The following TEAD3 variants were observed in gnomAD, a reference collection of about 807,000 sequenced individuals.
TEAD3 encodes transcriptional enhancer factor TEF-5.
A neutral mutation model predicts 55.6 loss-of-function variants in TEAD3; 15 were observed. That is an observed-to-expected ratio of 0.27 (90% CI 0.18 to 0.42). TEAD3 has a LOEUF of 0.42. TEAD3 is among the 10% of genes least tolerant of loss of function. The pLI, the probability that TEAD3 is intolerant of heterozygous loss-of-function variation, is 1.00. For missense variants in TEAD3, 407 were observed against 576.8 expected, an observed-to-expected ratio of 0.71 and a Z score of 3.01; for synonymous variants, 210 against 232.2, an observed-to-expected ratio of 0.90 and a Z score of 0.87.
chr6:35,479,216 G>T, intron 5 of TEAD3, 89 bp downstream of exon 5: 1 of 1,541,158 alleles, frequency 6.5e-7, no homozygotes, highest in South Asian at 1.1e-5. Flanking sequence ...CACCTATTAA[G>T]TTGGTTTCAT....
chr6:35,486,360 G>GGCCAGC lies in TEAD3; in HGVS notation c.202+95_202+100dup. ...CAGGCTTGCGCGCCCAGACTCGCCC[G>GGCCAGC]GCCAGCGGCTGGCGGCCTCCGACGT... On this transcript the variant is annotated intron_variant, in intron 2 of 12. Transcript: ENST00000639578. The surrounding 1 kb of genome is among the most constrained non-coding windows in gnomAD (Gnocchi z 7.3). 1 of 1,388,604 alleles carries GGCCAGC rather than the reference G, an allele frequency of 7.2e-7. No individual in the cohort carries two copies. Among genetic ancestry groups the GGCCAGC allele is most frequent in the Non-Finnish European group, 9.7e-7 (1 of 1,029,054 alleles). 86.0% of individuals were successfully genotyped at this position (1,388,604 alleles called of 1,614,324 possible).
exon 6 of TEAD3, chr6:35,478,488 G>T: frequency 2.5e-6 from 4 of 1,612,580 alleles, no homozygotes; most frequent in Non-Finnish European, 3.4e-6. Context: ...GGCTGAACTT[G>T]TTCTGCAGGA....
At chr6:35,477,499 T>G (rs1768175761) in intron 7 of TEAD3, 127 bp from the exon 8 acceptor site, 4 of 794,666 alleles carry the variant, frequency 5.0e-6, no homozygotes, top group Non-Finnish European at 7.9e-6. Flanking sequence ...AAACGCATGC[T>G]GAAAAGCTAA....
intron 1 of TEAD3, among the ~76,000 whole-genome samples, chr6:35,493,432 G>A (rs1362918588): frequency 6.6e-6 from 1 of 152,012 alleles, no homozygotes; most frequent in East Asian, 1.9e-4. Flanking sequence ...TCCCAAACAC[G>A]CTCAGATAGT....
chr6:35,479,816 G>C (rs917468066), intron 4 of TEAD3, among the ~76,000 whole-genome samples: 19 of 152,278 alleles, frequency 1.2e-4, no homozygotes, highest in African/African-American at 4.3e-4. Flanking sequence ...GTAAGCAGCA[G>C]TCAGGAAGAA....
rs1476787792 is a variant in TEAD3 at position 35,496,585 on chromosome 6, C to T, written c.-50+313G>A. Among the ~76,000 whole-genome samples the T allele has an allele frequency of 2.0e-5, 3 of 152,204 alleles. No homozygotes were observed. Among genetic ancestry groups the T allele is most frequent in the African/African-American group, 7.2e-5 (3 of 41,540 alleles). On this transcript the variant is annotated intron_variant, in intron 1 of 12. Transcript: ENST00000639578. The surrounding 1 kb of genome is among the most constrained non-coding windows in gnomAD (Gnocchi z 4.8). ...CCACACTGTGCGGCCCCCGGATCCC[C>T]GCCCCGACCCCCCAAGCACGGACGG... is the stretch of plus-strand genomic sequence containing the variant.
chr6:35,487,315 AG>A (rs1371394986), intron 1 of TEAD3, among the ~76,000 whole-genome samples: 3 of 152,138 alleles, frequency 2.0e-5, no homozygotes, highest in Admixed American at 6.5e-5. Flanking sequence ...TCACTTTGGG[AG>A]GCCGAGGTGG....
Position 35,491,227 on chromosome 6 carries a change from G to T in TEAD3, c.-49-4516C>A, listed in dbSNP as rs1274289900. On this transcript the variant is annotated intron_variant, in intron 1 of 12. Coordinates refer to ENST00000639578, the Ensembl canonical transcript of TEAD3. The surrounding 1 kb of genome is among the most constrained non-coding windows in gnomAD (Gnocchi z 4.4). ...GTGGAGGCAGGGCGGGGGAGTGCTG[G>T]ACCCTCAGACCCACAGACTGACAGA... is the stretch of plus-strand genomic sequence containing the variant. Among the ~76,000 whole-genome samples the T allele has an allele frequency of 1.3e-5, 2 of 150,468 alleles. No homozygotes were observed. The highest frequency in any genetic ancestry group is 3.0e-5 in the Non-Finnish European group (2 of 67,686).
chr6:35,493,890 G>T (rs1263071912), intron 1 of TEAD3, among the ~76,000 whole-genome samples: 2 of 152,232 alleles, frequency 1.3e-5, no homozygotes, highest in Non-Finnish European at 2.9e-5. Flanking sequence ...TGGCTAGGCA[G>T]CCAGCTTCCT....
In TEAD3 at chr6:35,486,904, C is replaced by G. The variant is rs999010576; in HGVS notation, c.-49-193G>C. Among the ~76,000 whole-genome samples, 3 of 152,172 alleles carry G rather than the reference C, an allele frequency of 2.0e-5. No individual in the cohort carries two copies. The highest frequency in any genetic ancestry group is 4.8e-5 in the African/African-American group (2 of 41,432). On this transcript the variant is annotated intron_variant, in intron 1 of 12. Transcript: ENST00000639578. The surrounding 1 kb of genome is among the most constrained non-coding windows in gnomAD (Gnocchi z 7.3). ...AGAGCTGTGTGACCTGGGATGCACGCGCTACTTCACCTCTCTAGGCCTCAG... is the reference window on the plus strand; with the variant it reads ...AGAGCTGTGTGACCTGGGATGCACGGGCTACTTCACCTCTCTAGGCCTCAG...
At chr6:35,474,072 G>A (rs540153002), downstream of TEAD3, 1 of 152,296 alleles carries the variant, frequency 6.6e-6, no homozygotes, top group African/African-American at 2.4e-5. Flanking sequence ...TCAGATTCAA[G>A]CCTCAGGCAA....
intron 1 of TEAD3, among the ~76,000 whole-genome samples, chr6:35,490,386 T>A (rs960750115): frequency 6.6e-6 from 1 of 151,740 alleles, no homozygotes; most frequent in Non-Finnish European, 1.5e-5. Context: ...AAGGAGAGAA[T>A]AGGACCACCG....
rs1166090332 is a variant in TEAD3 at position 35,475,663 on chromosome 6, T to C, written c.944A>G (p.Tyr315Cys). 3 of 1,612,858 alleles carry C rather than the reference T, an allele frequency of 1.9e-6. No individual in the cohort carries two copies. Among genetic ancestry groups the C allele is most frequent in the Non-Finnish European group, 1.7e-6 (2 of 1,179,150 alleles). ...AGAGCTGTACTGAGAGCTGACCCCA[T>C]AGAAGGCTCCCGGGCCCTCCTGGAT... Residue 315 changes from tyrosine (Y) to cysteine (C), a missense_variant, in exon 11 of 13, where the codon TAT becomes TGT. Coordinates refer to ENST00000639578, the Ensembl canonical transcript of TEAD3. This position sits in a 1 kb window ranked among gnomAD's most constrained non-coding sequence, Gnocchi z 5.4.
intron 5 of TEAD3, among the ~76,000 whole-genome samples, chr6:35,478,910 C>T (rs943487531): frequency 1.4e-5 from 2 of 138,808 alleles, no homozygotes; most frequent in Non-Finnish European, 3.0e-5. Context: ...GACGGAGTCT[C>T]GCTCTGTCAC....
downstream of TEAD3, chr6:35,474,697 C>T (rs1298034477): frequency 2.0e-5 from 5 of 253,222 alleles, no homozygotes; most frequent in Admixed American, 2.0e-4. Flanking sequence ...CATGCTCCCC[C>T]AAGGGTGGGT....
rs372713178 is a variant in TEAD3, at chr6:35,484,503, C to T, written c.267+57G>A. On this transcript the variant is annotated intron_variant, in intron 3 of 12. Coordinates refer to ENST00000639578, the Ensembl canonical transcript of TEAD3. The surrounding 1 kb of genome is among the most constrained non-coding windows in gnomAD (Gnocchi z 5.8). ...GGCAGGGTAGGGGCAAGGGGTTGAC[C>T]GGGGCAGCTGAGACAGAGTGTGTGG... 4.4e-4 allele frequency: 675 copies of T among 1,535,408 alleles called. 6 individuals are homozygous for T. Among genetic ancestry groups the T allele is most frequent in the Middle Eastern group, 3.4e-4 (2 of 5,896 alleles).
chr6:35,492,380 G>A (rs1014403179), intron 1 of TEAD3, among the ~76,000 whole-genome samples: 3 of 152,014 alleles, frequency 2.0e-5, no homozygotes, highest in Non-Finnish European at 4.4e-5. Context: ...GCTGCCAGAA[G>A]CTCCCACCCT....
chr6:35,487,928 C>T (rs1768421509), intron 1 of TEAD3, among the ~76,000 whole-genome samples: 1 of 152,192 alleles, frequency 6.6e-6, no homozygotes, highest in Admixed American at 6.5e-5. Context: ...CTGTCAGCTC[C>T]TCCTCCCCAG....
At position 35,488,862 on chromosome 6, in the gene TEAD3, C is replaced by G. The variant is rs114499938; in HGVS notation, c.-49-2151G>C. Among the ~76,000 whole-genome samples the G allele has an allele frequency of 0.029, 4,382 of 152,188 alleles. 96 individuals carry two copies. The highest frequency in any genetic ancestry group is 0.11 in the East Asian group (546 of 5,166). ...CCTCAGACTCCCATGCAGCCTCCCC[C>G]CTCAGCATGGTGGCACGCACCTGTA... On this transcript the variant is annotated intron_variant, in intron 1 of 12. Transcript: ENST00000639578. This position sits in a 1 kb window ranked among gnomAD's most constrained non-coding sequence, Gnocchi z 4.2.
Sources: gnomAD v4.1 joint callset for allele counts (sites outside exome capture counted in the v4.1 genomes callset) on GRCh38, gnomAD v4.1.1 for gene constraint, Gnocchi (gnomAD v3.1) non-coding constraint, MANE v1.5 for transcripts, NCBI Gene and HGNC (gene_info 2026-07-23, HGNC 2026-07-21) for gene names.